Variants in ALPK1 observed in about 807,000 individuals in gnomAD.
The protein encoded by ALPK1 is alpha-protein kinase 1.
ALPK1 carries 110 observed loss-of-function variants against 120.6 expected under a neutral mutation model. The ratio of observed to expected loss-of-function variants is 0.91; its 90% CI spans 0.78 to 1.07. ALPK1 has a LOEUF of 1.07. ALPK1 is among the 50% of genes least tolerant of loss of function. The probability of loss-of-function intolerance (pLI) is 0.00; values close to 1 mark genes in which losing one functional copy is unlikely to be tolerated. For synonymous variants in ALPK1, 582 were observed against 560.3 expected (o/e 1.04, Z -0.55); for missense variants, 1,498 against 1,483.9 (o/e 1.01, Z -0.16).
At position 112,431,522 on chromosome 4, in the gene ALPK1, G is replaced by T; in HGVS notation, c.1975G>T (p.Glu659Ter). 6.2e-7 allele frequency: 1 copy of T among 1,614,130 alleles called. No individual in the cohort carries two copies. Among genetic ancestry groups the T allele is most frequent in the Non-Finnish European group, 8.5e-7 (1 of 1,180,042 alleles). ...TCAGGAACCCAACAATGACAATTTG[G>T]AGCCTTCTCAAAATCAGCCACAGCA... ...SLQEPNNDNL[E>*]PSQNQPQQQM... is the part of the protein sequence containing the mutation. The change falls in exon 11 of 16, where the codon GAG becomes TAG. Residue 659 changes from glutamate to a stop codon, truncating the protein, a stop_gained. Transcript: ENST00000650871. LOFTEE classifies it high-confidence loss of function.
rs112397499 is a variant in ALPK1, at chr4:112,363,317, C to T, written c.-100-14361C>T. Among the ~76,000 whole-genome samples the T allele has an allele frequency of 7.1e-4, 108 of 152,204 alleles. 1 individual carries two copies. The highest frequency in any genetic ancestry group is 2.4e-3 in the African/African-American group (98 of 41,548). On this transcript the variant is annotated intron_variant, in intron 2 of 15. Coordinates refer to ENST00000650871, the MANE Select transcript of ALPK1 (RefSeq NM_025144.4). ...AATAGCAGAATGGATAATAACTCAC[C>T]AACCACATAAGGACTCACATAAACT...
At chr4:112,358,472 C>A in intron 2 of ALPK1, 1 of 666,808 alleles carries the variant, frequency 1.5e-6, no homozygotes, top group Non-Finnish European at 2.7e-6. Context: ...TCTCGACCTG[C>A]ACGTCCTTAG....
chr4:112,344,254 C>T (rs774285214), intron 2 of ALPK1, among the ~76,000 whole-genome samples: 2 of 142,570 alleles, frequency 1.4e-5, no homozygotes, highest in African/African-American at 2.6e-5. Flanking sequence ...AAAACTCCCT[C>T]GCACTTGGAG....
intron 4 of ALPK1, among the ~76,000 whole-genome samples, chr4:112,393,039 G>T (rs1249648680): frequency 6.6e-6 from 1 of 152,204 alleles, no homozygotes; most frequent in Non-Finnish European, 1.5e-5. Context: ...CTCCTCAGGA[G>T]CCCAGATTGA....
Position 112,432,237 on chromosome 4 carries a change from T to C in ALPK1, c.2690T>C (p.Leu897Pro), listed in dbSNP as rs991704968. 3 of 1,614,106 alleles carry C rather than the reference T, an allele frequency of 1.9e-6. No homozygotes were observed. The highest frequency in any genetic ancestry group is 8.5e-7 in the Non-Finnish European group (1 of 1,180,040). Reference protein sequence around the residue: ...TPNSSVSGNILFPVLSEDCTT... With the variant: ...TPNSSVSGNIPFPVLSEDCTT... The stretch of plus-strand genomic sequence containing the variant: ...AATTCCTCTGTAAGCGGTAACATCC[T>C]CTTCCCTGTCCTCAGCGAGGACTGC... The change falls in exon 11 of 16, where the codon CTC (leucine) becomes CCC (proline). Residue 897 changes from leucine to proline, a missense_variant. Coordinates refer to ENST00000650871, the MANE Select transcript of ALPK1 (RefSeq NM_025144.4).
At chr4:112,331,258 G>A (rs1236845987) in intron 2 of ALPK1, among the ~76,000 whole-genome samples, 3 of 152,146 alleles carry the variant, frequency 2.0e-5, no homozygotes, top group African/African-American at 7.2e-5. Flanking sequence ...CTGGTCTTTT[G>A]CCCGCTGATT....
intron 9 of ALPK1, among the ~76,000 whole-genome samples, chr4:112,428,290 C>G (rs564419388): frequency 6.6e-6 from 1 of 152,110 alleles, no homozygotes; most frequent in African/African-American, 2.4e-5. Flanking sequence ...TCTGACCAGC[C>G]CAGAGAAGTG....
At chr4:112,322,031 C>A (rs1367900478) in intron 2 of ALPK1, among the ~76,000 whole-genome samples, 1 of 152,176 alleles carries the variant, frequency 6.6e-6, no homozygotes, top group African/African-American at 2.4e-5. Flanking sequence ...TCAGAAATTG[C>A]AGAAAACCGT....
At chr4:112,400,201 A>T (rs908740860) in intron 4 of ALPK1, among the ~76,000 whole-genome samples, 1 of 152,188 alleles carries the variant, frequency 6.6e-6, no homozygotes, top group Non-Finnish European at 1.5e-5. Flanking sequence ...TTGGATGCAG[A>T]TGAGAATTAT....
Position 112,439,671 on chromosome 4 carries a change from A to C in ALPK1, c.3352-15A>C. ...TTACCATTATGCTGTAATGTTTCTCATTGCTATTTTTCAGATTTTAGAGGA... is the reference window on the plus strand; with the variant it reads ...TTACCATTATGCTGTAATGTTTCTCCTTGCTATTTTTCAGATTTTAGAGGA... On this transcript the variant is annotated splice_polypyrimidine_tract_variant and intron_variant, in intron 13 of 15. Coordinates refer to ENST00000650871, the MANE Select transcript of ALPK1 (RefSeq NM_025144.4). 1 of 1,591,880 alleles carries C rather than the reference A, an allele frequency of 6.3e-7. No homozygotes were observed. Among genetic ancestry groups the C allele is most frequent in the East Asian group, 2.3e-5 (1 of 44,412 alleles).
chr4:112,391,195 G>T (rs892775997), intron 4 of ALPK1, among the ~76,000 whole-genome samples: 2 of 152,084 alleles, frequency 1.3e-5, no homozygotes, highest in Non-Finnish European at 2.9e-5. Context: ...AGTGACATAT[G>T]CCAGTCCCTA....
At chr4:112,437,076 T>G (rs557565193) in intron 12 of ALPK1, among the ~76,000 whole-genome samples, 39 of 152,288 alleles carry the variant, frequency 2.6e-4, no homozygotes, top group African/African-American at 9.4e-4. Flanking sequence ...AGACATCCTG[T>G]GTACCTAGTT....
chr4:112,322,366 ACCTT>A (rs1301570458), intron 2 of ALPK1, among the ~76,000 whole-genome samples: 1 of 152,236 alleles, frequency 6.6e-6, no homozygotes, highest in Non-Finnish European at 1.5e-5. Context: ...AAGGCATCTT[ACCTT>A]CTTTGAACAC....
chr4:112,385,679 A>G lies in ALPK1; in HGVS notation c.276+3127A>G, dbSNP rs375315927. On this transcript the variant is annotated intron_variant, in intron 4 of 15. Coordinates refer to ENST00000650871, the MANE Select transcript of ALPK1 (RefSeq NM_025144.4). ...TCTATTTTTAATATCTTAGATTATT[A>G]AAAATAGTTTGAATAAATTCCATGA... 2.2e-4 allele frequency among the ~76,000 whole-genome samples: 33 copies of G among 152,320 alleles called. No homozygotes were observed. The East Asian group carries it at 5.2e-3, about 24-fold the overall frequency.
intron 4 of ALPK1, among the ~76,000 whole-genome samples, chr4:112,393,442 G>A (rs1291794334): frequency 6.6e-6 from 1 of 152,150 alleles, no homozygotes; most frequent in Non-Finnish European, 1.5e-5. Context: ...TCTTACAGAA[G>A]TACCTAATAC....
chr4:112,440,462 C>T (rs1489584561), intron 14 of ALPK1, among the ~76,000 whole-genome samples: 2 of 152,114 alleles, frequency 1.3e-5, no homozygotes, highest in Admixed American at 1.3e-4. Context: ...CTAGCTTGTT[C>T]AGTCGGTACC....
intron 2 of ALPK1, chr4:112,357,920 C>T: frequency 1.0e-6 from 1 of 967,240 alleles, no homozygotes; most frequent in Non-Finnish European, 1.6e-6. Flanking sequence ...TTCTCTGAGA[C>T]CATGGGTGCT....
chr4:112,438,180 T>G (rs1300761610), intron 12 of ALPK1, among the ~76,000 whole-genome samples: 3 of 152,144 alleles, frequency 2.0e-5, no homozygotes, highest in Non-Finnish European at 4.4e-5. Flanking sequence ...CCATGCACAT[T>G]CCAGTATACT....
rs200929453 is a variant in ALPK1, at chr4:112,431,872, C to A, written c.2325C>A (p.Gly775=). Residue 775 remains glycine, a synonymous_variant, in exon 11 of 16, where the codon GGC becomes GGA. Coordinates refer to ENST00000650871, the MANE Select transcript of ALPK1 (RefSeq NM_025144.4). Reference sequence around the variant, plus strand: ...AAGAAATTAGTGAAAGAGGCGCAGGCCCTACATTTAAAGCTAGTCCCTCCT... The same window carrying A: ...AAGAAATTAGTGAAAGAGGCGCAGGACCTACATTTAAAGCTAGTCCCTCCT... ...QGEEISERGA[G]PTFKASPSWV... 8 of 1,613,956 alleles carry A rather than the reference C, an allele frequency of 5.0e-6. No homozygotes were observed. In the South Asian group the frequency reaches 6.6e-5, roughly 13 times the overall value.
Sources: gnomAD v4.1 joint callset for allele counts (sites outside exome capture counted in the v4.1 genomes callset) on GRCh38, gnomAD v4.1.1 for gene constraint, MANE v1.5 for transcripts, NCBI Gene and HGNC (gene_info 2026-07-23, HGNC 2026-07-21) for gene names.